Variants in TRAF3 observed in about 807,000 individuals in gnomAD.
TRAF3 encodes TNF receptor-associated factor 3.
Under a neutral mutation model 62.3 loss-of-function variants are expected in TRAF3, and 13 were observed. That is an observed-to-expected ratio of 0.21 (90% CI 0.14 to 0.33). The LOEUF (loss-of-function observed/expected upper bound fraction) is 0.33, where lower values mean the gene tolerates loss of function less well. Ranked by LOEUF, TRAF3 falls within the 10% of genes least tolerant of loss-of-function variation. The pLI is 1.00. For synonymous variants in TRAF3, 269 were observed against 283.4 expected (o/e 0.95, Z 0.51); for missense variants, 440 against 741.8 (o/e 0.59, Z 4.73).
chr14:102,788,309 T>A (rs1264972031), intron 1 of TRAF3, among the ~76,000 whole-genome samples: 1 of 152,172 alleles, frequency 6.6e-6, no homozygotes, highest in African/African-American at 2.4e-5. Flanking sequence ...GCATTTTAAG[T>A]GTGCAGCTCA....
At chr14:102,883,772 G>A (rs977486666) in intron 6 of TRAF3, among the ~76,000 whole-genome samples, 2 of 152,074 alleles carry the variant, frequency 1.3e-5, no homozygotes, top group African/African-American at 4.8e-5. Flanking sequence ...TTTCAGTAGC[G>A]ACGGGGTTTC....
intron 1 of TRAF3, among the ~76,000 whole-genome samples, chr14:102,804,471 A>G (rs867983725): frequency 6.6e-6 from 1 of 152,084 alleles, no homozygotes; most frequent in Admixed American, 6.6e-5. Flanking sequence ...CAAGAACGCA[A>G]TATCCTAAAG....
At position 102,784,150 on chromosome 14, in the gene TRAF3, C is replaced by T. The variant is rs186874570; in HGVS notation, c.-157+6475C>T. Among the ~76,000 whole-genome samples the T allele has an allele frequency of 3.0e-3, 453 of 151,180 alleles. 3 individuals are homozygous for T. The highest frequency in any genetic ancestry group is 8.1e-3 in the Admixed American group (123 of 15,194). On this transcript the variant is annotated intron_variant, in intron 1 of 11. Coordinates refer to ENST00000392745, the MANE Select transcript of TRAF3 (RefSeq NM_145725.3). ...ATAATGACAAAGCAAGGGCTCTTCACGCAGGATAGGTTTTTCCCTGCATTT... is the reference window on the plus strand; with the variant it reads ...ATAATGACAAAGCAAGGGCTCTTCATGCAGGATAGGTTTTTCCCTGCATTT...
intron 1 of TRAF3, among the ~76,000 whole-genome samples, chr14:102,816,944 GA>G (rs545084596): frequency 7.5e-4 from 115 of 152,340 alleles, no homozygotes; most frequent in Non-Finnish European, 1.4e-3. Flanking sequence ...AACGTATCTT[GA>G]AGACGAAGCT....
intron 1 of TRAF3, among the ~76,000 whole-genome samples, chr14:102,825,134 TG>T (rs1378498577): frequency 1.3e-5 from 2 of 152,190 alleles, no homozygotes; most frequent in Non-Finnish European, 2.9e-5. Flanking sequence ...GCCCACGCTG[TG>T]AGGACACCGG....
At chr14:102,800,207 G>T (rs927297191) in intron 1 of TRAF3, among the ~76,000 whole-genome samples, 1 of 152,206 alleles carries the variant, frequency 6.6e-6, no homozygotes, top group Admixed American at 6.5e-5. Context: ...TGGGAGTGCT[G>T]ATGCCCTGCT....
In TRAF3 at chr14:102,903,474, C is replaced by A. The variant is rs1399881463; in HGVS notation, c.1135+45C>A. Reference sequence around the variant, plus strand: ...CGGGCCAGCAGTGTGCATCTGGGCCCCGGGCGAGTGCTGGGGCGGGGTCCG... The same window carrying A: ...CGGGCCAGCAGTGTGCATCTGGGCCACGGGCGAGTGCTGGGGCGGGGTCCG... On this transcript the variant is annotated intron_variant, in intron 11 of 11. Transcript: ENST00000392745. This position sits in a 1 kb window ranked among gnomAD's most constrained non-coding sequence, Gnocchi z 6.4. 6.2e-7 allele frequency: 1 copy of A among 1,612,080 alleles called. No homozygotes were observed. The highest frequency in any genetic ancestry group is 1.1e-5 in the South Asian group (1 of 91,012).
At chr14:102,904,345 AC>A (rs1202154437) in intron 11 of TRAF3, among the ~76,000 whole-genome samples, 2 of 152,096 alleles carry the variant, frequency 1.3e-5, no homozygotes, top group African/African-American at 4.8e-5. Flanking sequence ...TGCTGGTGTT[AC>A]CCCCAGAAAC....
intron 1 of TRAF3, among the ~76,000 whole-genome samples, chr14:102,811,582 GTTT>G (rs1899153730): frequency 2.7e-5 from 2 of 73,624 alleles, no homozygotes; most frequent in Middle Eastern, 8.1e-3. Flanking sequence ...TTTGGTTTTT[GTTT>G]GTTTTTGTGC....
intron 1 of TRAF3, among the ~76,000 whole-genome samples, chr14:102,793,012 G>T (rs1381013636): frequency 6.6e-6 from 1 of 152,024 alleles, no homozygotes. Flanking sequence ...GTTTTGCCAT[G>T]TTGGCCAGGC....
intron 2 of TRAF3, among the ~76,000 whole-genome samples, chr14:102,857,251 C>T (rs1887425773): frequency 6.6e-6 from 1 of 152,054 alleles, no homozygotes; most frequent in Non-Finnish European, 1.5e-5. Context: ...GCAGGGTTAG[C>T]CTAAGTTGCA....
intron 1 of TRAF3, among the ~76,000 whole-genome samples, chr14:102,811,728 AGT>A (rs146439927): frequency 0.19 from 25,808 of 138,224 alleles, 2,582 homozygotes; most frequent in East Asian, 0.36. Context: ...CTACAGCAGT[AGT>A]GTGTGTGTGT....
intron 6 of TRAF3, among the ~76,000 whole-genome samples, chr14:102,878,002 T>A (rs186618187): frequency 7.5e-4 from 114 of 152,390 alleles, no homozygotes; most frequent in African/African-American, 2.6e-3. Context: ...AATAGCACTT[T>A]TTATCTGACT....
intron 1 of TRAF3, among the ~76,000 whole-genome samples, chr14:102,787,428 A>G (rs1488983511): frequency 6.6e-6 from 1 of 151,854 alleles, no homozygotes; most frequent in Non-Finnish European, 1.5e-5. Flanking sequence ...TGTAATCCCA[A>G]CACTTTGGGT....
intron 6 of TRAF3, among the ~76,000 whole-genome samples, chr14:102,878,026 A>G (rs1282400778): frequency 6.6e-6 from 1 of 152,266 alleles, no homozygotes; most frequent in African/African-American, 2.4e-5. Context: ...TTTCAGAATT[A>G]AGCTTTGTTT....
intron 1 of TRAF3, among the ~76,000 whole-genome samples, chr14:102,779,607 C>G (rs1342917544): frequency 1.3e-5 from 2 of 152,172 alleles, no homozygotes; most frequent in Admixed American, 1.3e-4. Context: ...TCAAGAAGGA[C>G]CTTTCTAGGG....
At chr14:102,902,987 A>T in intron 10 of TRAF3, 1 of 507,902 alleles carries the variant, frequency 2.0e-6, no homozygotes, top group South Asian at 2.0e-5. Flanking sequence ...TGACAAAGCA[A>T]GCTGACTTAG....
chr14:102,845,506 A>C (rs2139699578), intron 2 of TRAF3, among the ~76,000 whole-genome samples: 1 of 137,696 alleles, frequency 7.3e-6, no homozygotes, highest in East Asian at 2.1e-4. Flanking sequence ...CCAGCCTAAA[A>C]ATAAAAAAAA....
intron 9 of TRAF3, among the ~76,000 whole-genome samples, chr14:102,896,445 C>T (rs974129020): frequency 6.6e-5 from 10 of 152,074 alleles, no homozygotes; most frequent in African/African-American, 2.2e-4. Context: ...GCATAACATC[C>T]TCCAGGGACT....
Sources: allele counts gnomAD v4.1 joint callset (sites outside exome capture counted in the v4.1 genomes callset), GRCh38; gene constraint gnomAD v4.1.1; non-coding constraint Gnocchi (gnomAD v3.1); transcripts MANE v1.5; gene names NCBI Gene and HGNC (gene_info 2026-07-23, HGNC 2026-07-21).